The following STXBP5L variants were observed in gnomAD, a reference collection of about 807,000 sequenced individuals.
STXBP5L encodes syntaxin binding protein 5L.
A neutral mutation model predicts 144.5 loss-of-function variants in STXBP5L; 65 were observed. That is an observed-to-expected ratio of 0.45 (90% CI 0.37 to 0.55). STXBP5L has a LOEUF of 0.55. Ranked by LOEUF, STXBP5L falls within the 20% of genes least tolerant of loss-of-function variation. The pLI, the probability that STXBP5L is intolerant of heterozygous loss-of-function variation, is 0.00. For missense variants in STXBP5L, 1,298 were observed against 1,405.5 expected (o/e 0.92, Z 1.22); for synonymous variants, 505 against 469.6 (o/e 1.08, Z -0.97).
intron 5 of STXBP5L, among the ~76,000 whole-genome samples, chr3:121,060,734 T>G (rs943637596): frequency 7.9e-5 from 12 of 152,254 alleles, no homozygotes; most frequent in African/African-American, 1.9e-4. Context: ...TATCCATTTC[T>G]TCCAGATTTT....
At chr3:121,076,353 G>C (rs2042017713) in intron 5 of STXBP5L, among the ~76,000 whole-genome samples, 1 of 152,124 alleles carries the variant, frequency 6.6e-6, no homozygotes, top group Admixed American at 6.5e-5. Context: ...GGTGCATAGG[G>C]GGGTGGACTT....
intron 3 of STXBP5L, among the ~76,000 whole-genome samples, chr3:120,993,644 T>G (rs1487813329): frequency 1.3e-5 from 2 of 152,130 alleles, no homozygotes; most frequent in Admixed American, 1.3e-4. Flanking sequence ...TTCTGTGTTC[T>G]GTTCCATTGG....
chr3:121,367,437 A>T (rs891302618), intron 20 of STXBP5L, among the ~76,000 whole-genome samples: 1 of 151,830 alleles, frequency 6.6e-6, no homozygotes, highest in Non-Finnish European at 1.5e-5. Flanking sequence ...TTTTCCTCTT[A>T]GCATTTTAAA....
At chr3:121,362,682 G>A (rs917449221) in intron 20 of STXBP5L, among the ~76,000 whole-genome samples, 9 of 152,136 alleles carry the variant, frequency 5.9e-5, no homozygotes, top group South Asian at 4.1e-4. Context: ...TAAGAGTCAT[G>A]TCCTGGAATC....
chr3:121,402,857 T>G (rs2046913288), intron 22 of STXBP5L, among the ~76,000 whole-genome samples: 1 of 152,094 alleles, frequency 6.6e-6, no homozygotes, highest in Non-Finnish European at 1.5e-5. Flanking sequence ...ATAGATGAGG[T>G]CTCACTCTGT....
intron 2 of STXBP5L, among the ~76,000 whole-genome samples, chr3:120,926,533 G>C (rs1709642781): frequency 6.6e-6 from 1 of 151,870 alleles, no homozygotes; most frequent in Non-Finnish European, 1.5e-5. Flanking sequence ...AGTCCTATTT[G>C]AGTTGAATCT....
chr3:121,152,704 T>C, intron 8 of STXBP5L, 144 bp downstream of exon 8: 1 of 533,472 alleles, frequency 1.9e-6, no homozygotes, highest in South Asian at 3.5e-5. Flanking sequence ...CTTTTAGTAT[T>C]TGTGTAAGTT....
chr3:121,006,246 T>G (rs1576638699), intron 3 of STXBP5L, among the ~76,000 whole-genome samples: 1 of 152,338 alleles, frequency 6.6e-6, no homozygotes, highest in East Asian at 1.9e-4. Flanking sequence ...CTGTATTGGG[T>G]GCATATATAT....
chr3:121,238,896 G>A, intron 12 of STXBP5L, 75 bp from the exon 13 acceptor site: 1 of 1,359,310 alleles, frequency 7.4e-7, no homozygotes. Context: ...AGACATTTTA[G>A]GGCTTACTTT....
chr3:121,382,684 C>T (rs553749405), intron 22 of STXBP5L, among the ~76,000 whole-genome samples: 42 of 152,106 alleles, frequency 2.8e-4, no homozygotes, highest in South Asian at 1.0e-3. Context: ...AAGACAATTT[C>T]GTAATTAGAA....
chr3:121,378,992 A>C, intron 21 of STXBP5L, 106 bp downstream of exon 21: 1 of 1,208,574 alleles, frequency 8.3e-7, no homozygotes, highest in Non-Finnish European at 1.1e-6. Context: ...ATGTTAAAAA[A>C]CTACTAATCA....
At chr3:121,121,032 A>C (rs1436802741) in intron 6 of STXBP5L, among the ~76,000 whole-genome samples, 1 of 151,296 alleles carries the variant, frequency 6.6e-6, no homozygotes, top group Non-Finnish European at 1.5e-5. Context: ...TCTTTTAACA[A>C]TATTCTGTTA....
At chr3:121,033,521 T>C (rs1434556422) in intron 3 of STXBP5L, among the ~76,000 whole-genome samples, 3 of 143,508 alleles carry the variant, frequency 2.1e-5, no homozygotes, top group African/African-American at 7.8e-5. Flanking sequence ...TGTATACATA[T>C]GTAACTAACC....
Position 121,396,824 on chromosome 3 carries a change from T to A in STXBP5L, c.2588-10419T>A, listed in dbSNP as rs145948267. Among the ~76,000 whole-genome samples the A allele has an allele frequency of 2.1e-3, 313 of 152,348 alleles. 1 individual carries two copies. The highest frequency in any genetic ancestry group is 6.8e-3 in the Middle Eastern group (2 of 294). ...CCTGGAAGAGGTATATGAGCCCTAA[T>A]GTGAGTGATGTAAAAAGGGTGCATT... On this transcript the variant is annotated intron_variant, in intron 22 of 26. Coordinates refer to ENST00000471454, the MANE Select transcript of STXBP5L (RefSeq NM_001308330.2).
At chr3:121,010,927 A>T (rs1195454202) in intron 3 of STXBP5L, among the ~76,000 whole-genome samples, 1 of 151,562 alleles carries the variant, frequency 6.6e-6, no homozygotes, top group Non-Finnish European at 1.5e-5. Context: ...TAAAAAATTC[A>T]TGTTTAAGTG....
In STXBP5L at chr3:120,989,102, A is replaced by G. The variant is rs74356081; in HGVS notation, c.287+34065A>G. 1.0e-3 allele frequency among the ~76,000 whole-genome samples: 154 copies of G among 152,220 alleles called. 1 individual carries two copies. In the East Asian group the frequency reaches 0.028, roughly 28 times the overall value. On this transcript the variant is annotated intron_variant, in intron 3 of 26. Coordinates refer to ENST00000471454, the MANE Select transcript of STXBP5L (RefSeq NM_001308330.2). Reference sequence around the variant, plus strand: ...CTTAAGTTGATTCCATATCTCTGCTATTGTGACTTGTGCTGTGCTAAATGT... The same window carrying G: ...CTTAAGTTGATTCCATATCTCTGCTGTTGTGACTTGTGCTGTGCTAAATGT...
intron 5 of STXBP5L, among the ~76,000 whole-genome samples, chr3:121,102,296 A>T (rs964306699): frequency 6.6e-6 from 1 of 152,156 alleles, no homozygotes; most frequent in East Asian, 1.9e-4. Flanking sequence ...ACATTACATT[A>T]CCTGATTCAA....
At chr3:121,052,617 T>A (rs572204516) in intron 5 of STXBP5L, among the ~76,000 whole-genome samples, 1 of 152,294 alleles carries the variant, frequency 6.6e-6, no homozygotes, top group Admixed American at 6.5e-5. Context: ...GAGCTATCTA[T>A]GACAAACCCA....
At chr3:121,028,485 T>A (rs1004353794) in intron 3 of STXBP5L, among the ~76,000 whole-genome samples, 1 of 152,130 alleles carries the variant, frequency 6.6e-6, no homozygotes. Context: ...GATTATATGA[T>A]ATTCAAAAGT....
Sources: allele counts gnomAD v4.1 joint callset (sites outside exome capture counted in the v4.1 genomes callset), GRCh38; gene constraint gnomAD v4.1.1; transcripts MANE v1.5; gene names NCBI Gene and HGNC (gene_info 2026-07-23, HGNC 2026-07-21).